PLCXD3: variants seen among roughly 807,000 people sequenced by gnomAD.
PLCXD3 encodes the protein phosphatidylinositol specific phospholipase C X domain containing 3, also known as PI-PLC X domain-containing protein 3.
Under a neutral mutation model 25.5 loss-of-function variants are expected in PLCXD3, and 19 were observed. The ratio of observed to expected loss-of-function variants is 0.75; its 90% CI spans 0.52 to 1.09. The LOEUF (loss-of-function observed/expected upper bound fraction) is 1.09, where lower values mean the gene tolerates loss of function less well. Ranked by LOEUF, PLCXD3 falls within the 50% of genes least tolerant of loss-of-function variation. PLCXD3 has a pLI of 0.00. For missense variants in PLCXD3, 411 were observed against 388.1 expected, an observed-to-expected ratio of 1.06 and a Z score of -0.50; for synonymous variants, 174 against 137.6, an observed-to-expected ratio of 1.26 and a Z score of -1.85.
chr5:41,365,062 T>C (rs192896494), intron 2 of PLCXD3, among the ~76,000 whole-genome samples: 261 of 152,340 alleles, frequency 1.7e-3, no homozygotes, highest in Non-Finnish European at 2.5e-3. Flanking sequence ...CTAACACCAA[T>C]AGGCACACAA....
chr5:41,315,013 G>A (rs1743247963), intron 2 of PLCXD3, among the ~76,000 whole-genome samples: 1 of 152,168 alleles, frequency 6.6e-6, no homozygotes, highest in African/African-American at 2.4e-5. Context: ...GGTGAGAATG[G>A]TAGATGGAGG....
In PLCXD3 at chr5:41,309,093, A is replaced by T. The variant is rs1430134599; in HGVS notation, c.*4524T>A. ...GCCCTTTTTCTTTAGGATAAGTTTG[A>T]TTTTTGATAAGATATTATATACTTA... On this transcript the variant is annotated 3_prime_UTR_variant, in exon 3 of 3. Coordinates refer to ENST00000377801, the MANE Select transcript of PLCXD3 (RefSeq NM_001005473.3). The T allele has an allele frequency of 6.6e-6, 1 of 152,586 alleles. No homozygotes were observed. The highest frequency in any genetic ancestry group is 2.4e-5 in the African/African-American group (1 of 41,454). The allele number at this position is 152,586 out of a possible 1,614,324, so 9.5% of individuals were successfully genotyped here. A position where few individuals can be genotyped will look rare whatever the true frequency, so the allele number is the denominator to read the frequency against.
chr5:41,385,694 A>G (rs530900486), intron 1 of PLCXD3, among the ~76,000 whole-genome samples: 1 of 152,194 alleles, frequency 6.6e-6, no homozygotes. Context: ...GACAAACATG[A>G]TGGGATGCCG....
At chr5:41,444,540 T>G (rs1747453706) in intron 1 of PLCXD3, among the ~76,000 whole-genome samples, 1 of 152,168 alleles carries the variant, frequency 6.6e-6, no homozygotes, top group South Asian at 2.1e-4. Flanking sequence ...CAATTCTTAT[T>G]TTGTCCCCAC....
intron 1 of PLCXD3, among the ~76,000 whole-genome samples, chr5:41,384,869 G>A (rs1435001199): frequency 6.6e-6 from 1 of 152,040 alleles, no homozygotes; most frequent in Admixed American, 6.6e-5. Context: ...GGCTTCACCA[G>A]TATGTGTTTT....
At chr5:41,408,111 G>A (rs1420863708) in intron 1 of PLCXD3, among the ~76,000 whole-genome samples, 3 of 152,058 alleles carry the variant, frequency 2.0e-5, no homozygotes, top group East Asian at 3.8e-4. Context: ...CAGATCAAGA[G>A]GCAGAAAAAA....
intron 1 of PLCXD3, among the ~76,000 whole-genome samples, chr5:41,396,828 T>G (rs55688158): frequency 0.15 from 22,655 of 152,210 alleles, 2,246 homozygotes; most frequent in Non-Finnish European, 0.22. Flanking sequence ...ACTGGAAGCA[T>G]TTGTGCTCCT....
chr5:41,350,807 T>G (rs1158106451), intron 2 of PLCXD3, among the ~76,000 whole-genome samples: 11 of 152,224 alleles, frequency 7.2e-5, no homozygotes, highest in Admixed American at 7.2e-4. Flanking sequence ...ATAAGTATAT[T>G]GCATAAGCAA....
chr5:41,466,253 AGCC>A (rs1748015561), intron 1 of PLCXD3, among the ~76,000 whole-genome samples: 2 of 152,110 alleles, frequency 1.3e-5, no homozygotes, highest in Admixed American at 1.3e-4. Flanking sequence ...AAGAAAATTG[AGCC>A]CTGAACAGAA....
At chr5:41,345,191 T>C in intron 2 of PLCXD3, among the ~76,000 whole-genome samples, 1 of 152,216 alleles carries the variant, frequency 6.6e-6, no homozygotes, top group Admixed American at 6.5e-5. Context: ...ACTTGGGCTT[T>C]CCTTGAGATT....
chr5:41,348,659 G>C (rs543765499), intron 2 of PLCXD3, among the ~76,000 whole-genome samples: 23 of 151,422 alleles, frequency 1.5e-4, no homozygotes, highest in African/African-American at 4.7e-4. Context: ...TTGTTTGTTT[G>C]TTTGTTTGTT....
chr5:41,427,712 T>C (rs1183427651), intron 1 of PLCXD3, among the ~76,000 whole-genome samples: 1 of 152,174 alleles, frequency 6.6e-6, no homozygotes, highest in Non-Finnish European at 1.5e-5. Flanking sequence ...CTTCCTTTTC[T>C]GCCAGACTCT....
chr5:41,421,439 C>G (rs1462095835), intron 1 of PLCXD3, among the ~76,000 whole-genome samples: 1 of 151,806 alleles, frequency 6.6e-6, no homozygotes, highest in Non-Finnish European at 1.5e-5. Flanking sequence ...CGGTGGCTCA[C>G]GCCTGTAATC....
At chr5:41,478,289 A>C (rs936001799) in intron 1 of PLCXD3, among the ~76,000 whole-genome samples, 3 of 152,222 alleles carry the variant, frequency 2.0e-5, no homozygotes, top group Non-Finnish European at 4.4e-5. Context: ...ATAGATACTA[A>C]ATAAGCAACC....
chr5:41,389,091 C>G (rs1449910210), intron 1 of PLCXD3, among the ~76,000 whole-genome samples: 2 of 151,262 alleles, frequency 1.3e-5, no homozygotes, highest in Admixed American at 6.6e-5. Flanking sequence ...CTGATTTAGT[C>G]CACTGGAATG....
At chr5:41,446,790 G>T (rs564897339) in intron 1 of PLCXD3, among the ~76,000 whole-genome samples, 1 of 152,298 alleles carries the variant, frequency 6.6e-6, no homozygotes, top group Non-Finnish European at 1.5e-5. Flanking sequence ...TTCTATGAAC[G>T]TTGGGATAGA....
chr5:41,434,273 C>G (rs924984168), intron 1 of PLCXD3, among the ~76,000 whole-genome samples: 6 of 152,206 alleles, frequency 3.9e-5, no homozygotes, highest in Admixed American at 3.3e-4. Flanking sequence ...ACCTCTCATT[C>G]ATTTATTAAT....
At chr5:41,399,842 A>G (rs1746124291) in intron 1 of PLCXD3, among the ~76,000 whole-genome samples, 1 of 152,172 alleles carries the variant, frequency 6.6e-6, no homozygotes, top group African/African-American at 2.4e-5. Flanking sequence ...ACATGGACAT[A>G]TGGGATCGCA....
At chr5:41,424,391 T>G (rs1160814677) in intron 1 of PLCXD3, among the ~76,000 whole-genome samples, 2 of 152,004 alleles carry the variant, frequency 1.3e-5, no homozygotes, top group African/African-American at 2.4e-5. Context: ...AAATACAAAA[T>G]TAGCCGGGTG....
Sources: gnomAD v4.1 joint callset for allele counts (sites outside exome capture counted in the v4.1 genomes callset) on GRCh38, gnomAD v4.1.1 for gene constraint, MANE v1.5 for transcripts, NCBI Gene and HGNC (gene_info 2026-07-23, HGNC 2026-07-21) for gene names.